FAM184A: variants seen among roughly 807,000 people sequenced by gnomAD.
The protein encoded by FAM184A is protein FAM184A.
Under a neutral mutation model 143.8 loss-of-function variants are expected in FAM184A, and 99 were observed. The ratio of observed to expected loss-of-function variants is 0.69; its 90% CI spans 0.58 to 0.81. The LOEUF is 0.81. Ranked by LOEUF, FAM184A falls within the 40% of genes least tolerant of loss-of-function variation. The pLI is 0.00. For missense variants in FAM184A, 1,217 were observed against 1,310.5 expected, an observed-to-expected ratio of 0.93 and a Z score of 1.10; for synonymous variants, 427 against 446.4, an observed-to-expected ratio of 0.96 and a Z score of 0.55.
intron 9 of FAM184A, among the ~76,000 whole-genome samples, chr6:118,985,629 C>A (rs1784168194): frequency 6.6e-6 from 1 of 152,188 alleles, no homozygotes; most frequent in Non-Finnish European, 1.5e-5. Context: ...TCCCTCCTTC[C>A]TTTCTTCCCA....
chr6:118,974,666 G>T, intron 13 of FAM184A, 92 bp from the exon 14 acceptor site: 1 of 1,099,660 alleles, frequency 9.1e-7, no homozygotes, highest in Non-Finnish European at 1.3e-6. Context: ...ATGGTTTTTG[G>T]TATAATATAT....
chr6:119,100,920 C>T (rs1788621732), intron 1 of FAM184A, among the ~76,000 whole-genome samples: 1 of 151,804 alleles, frequency 6.6e-6, no homozygotes, highest in Non-Finnish European at 1.5e-5. Flanking sequence ...GATCACGCCA[C>T]TGCACTCCAG....
intron 1 of FAM184A, among the ~76,000 whole-genome samples, chr6:119,028,820 G>T (rs1785761960): frequency 1.3e-5 from 2 of 152,162 alleles, no homozygotes; most frequent in South Asian, 4.1e-4. Context: ...CTGAATGAGG[G>T]CAGTCTTGTG....
intron 2 of FAM184A, among the ~76,000 whole-genome samples, chr6:119,023,585 CGCTAAGCTCACTCACCCAG>C (rs1785528570): frequency 8.3e-6 from 1 of 120,128 alleles, no homozygotes. Flanking sequence ...CGTATTACCT[CGCTAAGCTCACTCACCCAG>C]GCTGGTTTCT....
At chr6:119,075,723 T>A (rs1481437448) in intron 1 of FAM184A, among the ~76,000 whole-genome samples, 1 of 152,182 alleles carries the variant, frequency 6.6e-6, no homozygotes, top group Admixed American at 6.5e-5. Flanking sequence ...AATAAACTCT[T>A]CATGAGTAAA....
Position 119,024,736 on chromosome 6 carries a change from T to C in FAM184A, c.237A>G (p.Glu79=). The change falls in exon 2 of 18, where the codon GAA becomes GAG. Residue 79 remains glutamate (E), a synonymous_variant. Transcript: ENST00000338891. Reference sequence around the variant, plus strand: ...TTGTTTCAGCAAGAATTTGTTGAATTTCTTCTTCATGAGCATCTTTGAGGG... The same window carrying C: ...TTGTTTCAGCAAGAATTTGTTGAATCTCTTCTTCATGAGCATCTTTGAGGG... ...IQALKDAHEE[E]IQQILAETRE... is the part of the protein sequence containing the mutation. The C allele has an allele frequency of 6.2e-7, 1 of 1,613,692 alleles. No individual in the cohort carries two copies. Among genetic ancestry groups the C allele is most frequent in the African/African-American group, 1.3e-5 (1 of 75,036 alleles).
intron 1 of FAM184A, among the ~76,000 whole-genome samples, chr6:119,043,244 C>T (rs554103789): frequency 2.0e-5 from 3 of 152,112 alleles, no homozygotes; most frequent in African/African-American, 7.2e-5. Context: ...CTAAGAAAAG[C>T]CTCCAAGGAC....
chr6:119,012,643 A>G (rs75588057), intron 5 of FAM184A, among the ~76,000 whole-genome samples: 7,432 of 152,300 alleles, frequency 0.049, 234 homozygotes, highest in Middle Eastern at 0.095. Flanking sequence ...TACAGGTACC[A>G]TCTTCCTGTC....
Position 119,078,323 on chromosome 6 carries a change from G to A in FAM184A, c.-24C>T. On this transcript the variant is annotated 5_prime_UTR_variant, in exon 1 of 18. Transcript: ENST00000338891. This position sits in a 1 kb window ranked among gnomAD's most constrained non-coding sequence, Gnocchi z 5.5. ...ATCTTCCCAACAGACCCCAGCCGGG[G>A]CACCTGTCCCCGCGGGTGGAGGCAG... 2 of 1,425,978 alleles carry A rather than the reference G, an allele frequency of 1.4e-6. No homozygotes were observed. Among genetic ancestry groups the A allele is most frequent in the Non-Finnish European group, 1.8e-6 (2 of 1,094,478 alleles). The allele number at this position is 1,425,978 out of a possible 1,614,324, so 88.3% of individuals were successfully genotyped here.
intron 1 of FAM184A, among the ~76,000 whole-genome samples, chr6:119,144,333 CAAAAAA>C (rs555955754): frequency 1.3e-5 from 1 of 77,990 alleles, no homozygotes. Context: ...GACTCTGACT[CAAAAAA>C]AAAAAAAAAA....
chr6:118,969,386 A>G (rs1382166278), intron 14 of FAM184A, among the ~76,000 whole-genome samples: 1 of 152,252 alleles, frequency 6.6e-6, no homozygotes, highest in East Asian at 1.9e-4. Flanking sequence ...TTGATTAAAT[A>G]GAAAAAACAT....
chr6:119,145,523 A>G (rs545826626), intron 1 of FAM184A, among the ~76,000 whole-genome samples: 86 of 152,236 alleles, frequency 5.6e-4, no homozygotes, highest in African/African-American at 2.0e-3. Flanking sequence ...TCAAAAATAA[A>G]AGTGAAAAGT....
intron 1 of FAM184A, among the ~76,000 whole-genome samples, chr6:119,102,447 A>T (rs6926091): frequency 0.54 from 82,390 of 151,828 alleles, 22,809 homozygotes; most frequent in East Asian, 0.73. Context: ...TTCAGTATGT[A>T]TCAGGAAAGC....
In FAM184A at chr6:119,120,816, CT is replaced by C. The variant is rs762574798; in HGVS notation, c.-202+28261del. ...AAAGTGATGGTTTTTCTCTTTCTTT[CT>C]TTCTTTCTTCCTTTCTTTCTTTCTT... On this transcript the variant is annotated intron_variant, in intron 1 of 16. Coordinates refer to the FAM184A transcript ENST00000352896. Among the ~76,000 whole-genome samples the C allele has an allele frequency of 8.5e-3, 1,171 of 137,718 alleles. 36 individuals carry two copies. The highest frequency in any genetic ancestry group is 0.023 in the Admixed American group (319 of 13,606). The allele number at this position is 137,718 out of a possible 152,430, so 90.3% of individuals were successfully genotyped here.
chr6:119,131,265 T>C (rs1427024431), intron 1 of FAM184A, among the ~76,000 whole-genome samples: 1 of 152,182 alleles, frequency 6.6e-6, no homozygotes, highest in Non-Finnish European at 1.5e-5. Context: ...TAGTCAGACT[T>C]GAAACATTTA....
intron 9 of FAM184A, among the ~76,000 whole-genome samples, chr6:118,993,241 A>C (rs1374166743): frequency 1.3e-5 from 2 of 152,222 alleles, no homozygotes; most frequent in Non-Finnish European, 2.9e-5. Context: ...ACTTCAGCAT[A>C]GTGAGTTTAC....
chr6:119,037,946 A>T (rs1419381044), intron 1 of FAM184A, among the ~76,000 whole-genome samples: 1 of 152,222 alleles, frequency 6.6e-6, no homozygotes, highest in African/African-American at 2.4e-5. Flanking sequence ...ATGTGAGGAC[A>T]GAAAGCAAAT....
intron 6 of FAM184A, among the ~76,000 whole-genome samples, chr6:119,008,157 A>C (rs558388712): frequency 3.2e-4 from 49 of 152,322 alleles, no homozygotes; most frequent in African/African-American, 1.1e-3. Flanking sequence ...TGGGGAAAAC[A>C]CCTATTGTCT....
intron 1 of FAM184A, among the ~76,000 whole-genome samples, chr6:119,128,135 AACAGACT>A (rs1296320419): frequency 5.6e-4 from 86 of 152,268 alleles, no homozygotes; most frequent in African/African-American, 2.0e-3. Context: ...AAGACTGACA[AACAGACT>A]CTTTGTAGCA....
Sources: allele counts gnomAD v4.1 joint callset (sites outside exome capture counted in the v4.1 genomes callset), GRCh38; gene constraint gnomAD v4.1.1; non-coding constraint Gnocchi (gnomAD v3.1); transcripts MANE v1.5; gene names NCBI Gene and HGNC (gene_info 2026-07-23, HGNC 2026-07-21).